EPN2: variants seen among roughly 807,000 people sequenced by gnomAD.
The protein encoded by EPN2 is epsin-2.
A neutral mutation model predicts 61.7 loss-of-function variants in EPN2; 34 were observed. The observed-to-expected ratio is 0.55, with a 90% CI of 0.42 to 0.73. The LOEUF (loss-of-function observed/expected upper bound fraction) is 0.73. EPN2 is among the 30% of genes least tolerant of loss of function. The pLI is 0.00. For missense variants in EPN2, 714 were observed against 839.2 expected, an observed-to-expected ratio of 0.85 and a Z score of 1.84; for synonymous variants, 349 against 353.6, an observed-to-expected ratio of 0.99 and a Z score of 0.15.
intron 10 of EPN2, among the ~76,000 whole-genome samples, 173 bp downstream of exon 10, chr17:19,332,241 CGTT>C (rs1907196508): frequency 6.6e-6 from 1 of 151,954 alleles, no homozygotes; most frequent in African/African-American, 2.4e-5. Context: ...GTGTGGAAGC[CGTT>C]GTCAGTTATG....
At chr17:19,260,735 T>C (rs982561687) in intron 1 of EPN2, among the ~76,000 whole-genome samples, 2 of 152,048 alleles carry the variant, frequency 1.3e-5, no homozygotes, top group Non-Finnish European at 2.9e-5. Context: ...ACTCCTGATC[T>C]CATCTCTGTC....
rs1264395331 is a variant in EPN2, at chr17:19,291,442, T to C, written c.766+5652T>C. Among the ~76,000 whole-genome samples, 3 of 144,104 alleles carry C rather than the reference T, an allele frequency of 2.1e-5. No individual in the cohort carries two copies. In the East Asian group the frequency reaches 6.2e-4, roughly 30 times the overall value. The allele number at this position is 144,104 out of a possible 152,430, so 94.5% of individuals were successfully genotyped here. A position where few individuals can be genotyped will look rare whatever the true frequency, so the allele number is the denominator to read the frequency against. On this transcript the variant is annotated intron_variant, in intron 4 of 10. Transcript: ENST00000314728. ...TCAGCCATTCATTTTTTTTTTTTTT[T>C]TTTTTTTTTTTTTGAGACGGAGTCT...
chr17:19,331,944 G>A lies in EPN2; in HGVS notation c.1503G>A (p.Lys501=). 6.2e-7 allele frequency: 1 copy of A among 1,614,150 alleles called. No homozygotes were observed. The highest frequency in any genetic ancestry group is 8.5e-7 in the Non-Finnish European group (1 of 1,180,028). Residue 501 remains lysine (K), a synonymous_variant, in exon 10 of 11, where the codon AAG becomes AAA. Coordinates refer to ENST00000314728, the MANE Select transcript of EPN2 (RefSeq NM_014964.5). ...AACCCCTGACTGTCGCCTCAAGCAA[G>A]CCCAGCAGTGCCCGGAAAACACCTG... ...ESQPLTVASS[K]PSSARKTPES...
intron 7 of EPN2, among the ~76,000 whole-genome samples, chr17:19,327,745 A>C (rs186421668): frequency 1.1e-3 from 169 of 152,280 alleles, no homozygotes; most frequent in African/African-American, 3.9e-3. Context: ...GTGTATTCAG[A>C]AAATAGGCAC....
rs368494601 is a variant in EPN2 at position 19,334,104 on chromosome 17, G to A, written c.1776G>A (p.Ser592=). 17 of 1,608,916 alleles carry A rather than the reference G, an allele frequency of 1.1e-5. No homozygotes were observed. The African/African-American group carries it at 1.3e-4, about 13-fold the overall frequency. Residue 592 remains serine (S), a synonymous_variant, in exon 11 of 11, where the codon TCG becomes TCA. Coordinates refer to ENST00000314728, the MANE Select transcript of EPN2 (RefSeq NM_014964.5). This position sits in a 1 kb window ranked among gnomAD's most constrained non-coding sequence, Gnocchi z 4.9. ...GPGVESMAVA[S]MTSAAPQPAL... ...GAGTGGAGTCCATGGCTGTGGCCTC[G>A]ATGACCTCCGCGGCCCCACAGCCAG...
chr17:19,254,172 A>C (rs117097904), intron 1 of EPN2, among the ~76,000 whole-genome samples: 4,869 of 151,152 alleles, frequency 0.032, 305 homozygotes, highest in South Asian at 0.19. Flanking sequence ...GAAAGAAAAA[A>C]AGAAAGAAGG....
intron 1 of EPN2, among the ~76,000 whole-genome samples, chr17:19,257,521 CTCTT>C (rs1267107890): frequency 4.3e-4 from 50 of 117,508 alleles, no homozygotes; most frequent in African/African-American, 2.4e-3. Context: ...CTCTCTCTCT[CTCTT>C]TTTTTTTTTT....
chr17:19,237,971 C>T (rs1161351485), intron 1 of EPN2, among the ~76,000 whole-genome samples: 1 of 152,200 alleles, frequency 6.6e-6, no homozygotes, highest in African/African-American at 2.4e-5. Flanking sequence ...CCTGGTCTCC[C>T]GCCAGCCCCC....
In EPN2 at chr17:19,332,018, T is replaced by G; in HGVS notation, c.1577T>G (p.Val526Gly). The change falls in exon 10 of 11, where the codon GTG (valine) becomes GGG (glycine). Residue 526 changes from valine to glycine, a missense_variant. Transcript: ENST00000314728. The part of the protein sequence containing the change: ...NAALVNLDSL[V>G]TRPAPPAQSL... Reference sequence around the variant, plus strand: ...GCCCTGGTGAACCTGGACTCACTGGTGACCAGGCCTGCCCCACCAGCCCAG... The same window carrying G: ...GCCCTGGTGAACCTGGACTCACTGGGGACCAGGCCTGCCCCACCAGCCCAG... 6.2e-7 allele frequency: 1 copy of G among 1,613,524 alleles called. No individual in the cohort carries two copies. Among genetic ancestry groups the G allele is most frequent in the Non-Finnish European group, 8.5e-7 (1 of 1,180,006 alleles).
chr17:19,276,988 T>C (rs867508609), intron 1 of EPN2, among the ~76,000 whole-genome samples: 22 of 152,224 alleles, frequency 1.4e-4, no homozygotes, highest in Middle Eastern at 6.8e-3. Context: ...TGCATTTGCA[T>C]GTGCATTAGT....
At chr17:19,305,994 G>A (rs1169283711) in intron 4 of EPN2, 1 of 152,226 alleles carries the variant, frequency 6.6e-6, no homozygotes, top group Admixed American at 6.5e-5. Context: ...TTCCAGTGGG[G>A]TTCATAATGC....
At chr17:19,278,178 G>A (rs2045327472) in intron 1 of EPN2, among the ~76,000 whole-genome samples, 1 of 151,952 alleles carries the variant, frequency 6.6e-6, no homozygotes. Flanking sequence ...GTCTCGCCAT[G>A]TTGCCCAGGT....
chr17:19,318,526 G>C (rs1906490485), intron 7 of EPN2, among the ~76,000 whole-genome samples: 1 of 39,332 alleles, frequency 2.5e-5, no homozygotes. Context: ...CTCCAGCGTG[G>C]GCAACAGAGC....
intron 1 of EPN2, among the ~76,000 whole-genome samples, chr17:19,237,834 G>C (rs1397300808): frequency 1.3e-5 from 2 of 151,716 alleles, no homozygotes; most frequent in Non-Finnish European, 2.9e-5. Flanking sequence ...TATGTCCCCA[G>C]AGTCCAGGGC....
Position 19,333,959 on chromosome 17 carries a change from C to T in EPN2, c.1631C>T (p.Ala544Val), listed in dbSNP as rs1598029990. The change falls in exon 11 of 11, where the codon GCT (alanine) becomes GTT (valine). Residue 544 changes from alanine (A) to valine (V), a missense_variant. By Grantham distance (64) the Ala-to-Val change is moderately conservative. Coordinates refer to ENST00000314728, the MANE Select transcript of EPN2 (RefSeq NM_014964.5). ...GCCCCTCCTTCTGTCTCCCCAGGTG[C>T]TCCCGCCACCTCGGCCCCTGTTAAC... ...QSLNPFLAPG[A>V]PATSAPVNPF... 1 of 1,536,928 alleles carries T rather than the reference C, an allele frequency of 6.5e-7. No homozygotes were observed. Among genetic ancestry groups the T allele is most frequent in the East Asian group, 2.3e-5 (1 of 43,298 alleles).
chr17:19,319,676 T>C (rs932695917), intron 7 of EPN2, among the ~76,000 whole-genome samples: 3 of 148,654 alleles, frequency 2.0e-5, no homozygotes, highest in Admixed American at 6.7e-5. Context: ...GAGAGAAGGT[T>C]TCCCTCTGTT....
chr17:19,278,219 G>A (rs1246038423), intron 1 of EPN2, among the ~76,000 whole-genome samples: 2 of 152,084 alleles, frequency 1.3e-5, no homozygotes, highest in Non-Finnish European at 2.9e-5. Flanking sequence ...CAAGTGATCT[G>A]CCCGCCTCGG....
At chr17:19,319,794 T>G (rs1038390567) in intron 7 of EPN2, among the ~76,000 whole-genome samples, 1 of 152,106 alleles carries the variant, frequency 6.6e-6, no homozygotes, top group Non-Finnish European at 1.5e-5. Flanking sequence ...ACTGCAGGCA[T>G]CTGCCACCAC....
chr17:19,291,159 C>T (rs2045460542), intron 4 of EPN2, among the ~76,000 whole-genome samples: 1 of 152,220 alleles, frequency 6.6e-6, no homozygotes, highest in Admixed American at 6.5e-5. Flanking sequence ...AAAGAAAAGC[C>T]AGGATTGTAT....
Sources: allele counts gnomAD v4.1 joint callset (sites outside exome capture counted in the v4.1 genomes callset), GRCh38; gene constraint gnomAD v4.1.1; non-coding constraint Gnocchi (gnomAD v3.1); transcripts MANE v1.5; gene names NCBI Gene and HGNC (gene_info 2026-07-23, HGNC 2026-07-21).